GSDME: variants seen among roughly 807,000 people sequenced by gnomAD.
GSDME encodes the protein gasdermin-E.
A neutral mutation model predicts 47.5 loss-of-function variants in GSDME; 44 were observed. The observed-to-expected ratio is 0.93, with a 90% CI of 0.73 to 1.19. The LOEUF (loss-of-function observed/expected upper bound fraction) is 1.19, where lower values mean the gene tolerates loss of function less well. Ranked by LOEUF, GSDME falls within the 50% of genes most tolerant of loss-of-function variation. The pLI is 0.00. For synonymous variants in GSDME, 258 were observed against 252.8 expected, an observed-to-expected ratio of 1.02 and a Z score of -0.20; for missense variants, 663 against 604.2, an observed-to-expected ratio of 1.10 and a Z score of -1.02.
intron 3 of GSDME, among the ~76,000 whole-genome samples, chr7:24,731,505 C>T (rs1222229456): frequency 1.3e-5 from 2 of 152,220 alleles, no homozygotes; most frequent in Non-Finnish European, 2.9e-5. Flanking sequence ...CACGTGGAAA[C>T]GCCAAGGACT....
rs1421113653 is a variant in GSDME at position 24,712,651 on chromosome 7, G to A, written c.698-2263C>T. On this transcript the variant is annotated intron_variant, in intron 5 of 9. Transcript: ENST00000645220. This position sits in a 1 kb window ranked among gnomAD's most constrained non-coding sequence, Gnocchi z 4.4. ...GGGCTGAGGCCAGAGTGACCAGCGGGTGGAGGGGAGGAAAAACATCTTTCC... is the reference window on the plus strand; with the variant it reads ...GGGCTGAGGCCAGAGTGACCAGCGGATGGAGGGGAGGAAAAACATCTTTCC... 6.6e-6 allele frequency among the ~76,000 whole-genome samples: 1 copy of A among 152,230 alleles called. No homozygotes were observed. Among genetic ancestry groups the A allele is most frequent in the Non-Finnish European group, 1.5e-5 (1 of 68,042 alleles).
In GSDME at chr7:24,708,271, C is replaced by T. The variant is rs1419348222; in HGVS notation, c.863-17G>A. 1.2e-6 allele frequency: 2 copies of T among 1,613,856 alleles called. No homozygotes were observed. Among genetic ancestry groups the T allele is most frequent in the African/African-American group, 2.7e-5 (2 of 75,050 alleles). On this transcript the variant is annotated splice_polypyrimidine_tract_variant and intron_variant, in intron 6 of 9. Coordinates refer to ENST00000645220, the MANE Select transcript of GSDME (RefSeq NM_001127453.2). ...GCAGGGTCGCTGTGAAAACAAAGCA[C>T]ACCCAAGTCTCATGACTGCGATGCA... is the stretch of plus-strand genomic sequence containing the variant.
At chr7:24,718,998 T>C in intron 4 of GSDME, 49 bp downstream of exon 4, 2 of 1,605,988 alleles carry the variant, frequency 1.2e-6, no homozygotes, top group South Asian at 2.2e-5. Context: ...CCAACCAAGG[T>C]CTCCAGGACT....
rs984041616 is a variant in GSDME at position 24,744,462 on chromosome 7, G to A, written c.404+100C>T. ...CGCATTCAATACATGTTTATTGATC[G>A]GCAGAGATCAAATCTGTCGCCCTTT... is the stretch of plus-strand genomic sequence containing the variant. On this transcript the variant is annotated intron_variant, in intron 3 of 9. Transcript: ENST00000645220. The surrounding 1 kb of genome is among the most constrained non-coding windows in gnomAD (Gnocchi z 4.5). The A allele has an allele frequency of 7.2e-6, 9 of 1,257,440 alleles. No individual in the cohort carries two copies. Among genetic ancestry groups the A allele is most frequent in the African/African-American group, 2.9e-5 (2 of 67,932 alleles). 77.9% of individuals were successfully genotyped at this position (1,257,440 alleles called of 1,614,324 possible).
In GSDME at chr7:24,733,621, A is replaced by T. The variant is rs1790212494; in HGVS notation, c.404+10941T>A. 6.6e-6 allele frequency among the ~76,000 whole-genome samples: 1 copy of T among 152,130 alleles called. No individual in the cohort carries two copies. The highest frequency in any genetic ancestry group is 1.5e-5 in the Non-Finnish European group (1 of 68,002). ...ACTAAAGAGCCCCTGGCCTTAAGTGAATATGGGTGGTGGCCTGGCAGTGCT... is the reference window on the plus strand; with the variant it reads ...ACTAAAGAGCCCCTGGCCTTAAGTGTATATGGGTGGTGGCCTGGCAGTGCT... On this transcript the variant is annotated intron_variant, in intron 3 of 9. Coordinates refer to ENST00000645220, the MANE Select transcript of GSDME (RefSeq NM_001127453.2). The surrounding 1 kb of genome is among the most constrained non-coding windows in gnomAD (Gnocchi z 4.3).
the GSDME span, among the ~76,000 whole-genome samples, chr7:24,793,216 A>G: frequency 6.6e-6 from 1 of 152,206 alleles, no homozygotes; most frequent in South Asian, 2.1e-4. Flanking sequence ...ATGTCTGACC[A>G]TAAGGTAAGA....
chr7:24,775,544 C>T, the GSDME span, among the ~76,000 whole-genome samples: 2 of 152,170 alleles, frequency 1.3e-5, no homozygotes, highest in Non-Finnish European at 2.9e-5. Context: ...TCCTCCTTCC[C>T]TACCTGCCTG....
chr7:24,732,404 G>A lies in GSDME; in HGVS notation c.404+12158C>T, dbSNP rs1034128601. Among the ~76,000 whole-genome samples the A allele has an allele frequency of 1.3e-5, 2 of 152,288 alleles. No individual in the cohort carries two copies. Among genetic ancestry groups the A allele is most frequent in the Middle Eastern group, 3.4e-3 (1 of 294 alleles). ...GGGTGAATGGAAGCCTCCCGTGATT[G>A]TTCTCCCCACAGGAACACCAAAGTC... On this transcript the variant is annotated intron_variant, in intron 3 of 9. Coordinates refer to ENST00000645220, the MANE Select transcript of GSDME (RefSeq NM_001127453.2). The surrounding 1 kb of genome is among the most constrained non-coding windows in gnomAD (Gnocchi z 4.8).
chr7:24,729,611 G>A (rs1168754647), intron 3 of GSDME, among the ~76,000 whole-genome samples: 1 of 152,242 alleles, frequency 6.6e-6, no homozygotes, highest in East Asian at 1.9e-4. Context: ...GTCTGTGTGT[G>A]TCCTTCATGC....
Position 24,738,906 on chromosome 7 carries a change from G to A in GSDME, c.404+5656C>T, listed in dbSNP as rs145212557. Among the ~76,000 whole-genome samples, 328 of 152,286 alleles carry A rather than the reference G, an allele frequency of 2.2e-3. 1 individual carries two copies. Among genetic ancestry groups the A allele is most frequent in the African/African-American group, 7.6e-3 (314 of 41,548 alleles). ...GAAAGGATAGCCTCTTCAATAAATG[G>A]TGCTGAGAAAACTGTATATCCCTAT... On this transcript the variant is annotated intron_variant, in intron 3 of 9. Transcript: ENST00000645220.
chr7:24,766,398 C>T, the GSDME span, among the ~76,000 whole-genome samples: 1 of 152,012 alleles, frequency 6.6e-6, no homozygotes, highest in African/African-American at 2.4e-5. The surrounding 1 kb of genome is among the most constrained non-coding windows in gnomAD (Gnocchi z 4.2). Context: ...TGGTGTGCTG[C>T]ACCCATCAAC....
At chr7:24,765,170 A>T in the GSDME span, among the ~76,000 whole-genome samples, 1 of 152,230 alleles carries the variant, frequency 6.6e-6, no homozygotes, top group African/African-American at 2.4e-5. Context: ...AGGAATGATT[A>T]GCCTTACATT....
At chr7:24,715,305 G>A (rs555563206) in intron 5 of GSDME, among the ~76,000 whole-genome samples, 1 of 152,306 alleles carries the variant, frequency 6.6e-6, no homozygotes, top group Admixed American at 6.5e-5. Context: ...GTACTGCAGT[G>A]TTTACTTGAG....
At chr7:24,770,872 G>A in the GSDME span, among the ~76,000 whole-genome samples, 1 of 148,286 alleles carries the variant, frequency 6.7e-6, no homozygotes, top group Non-Finnish European at 1.5e-5. The surrounding 1 kb of genome is among the most constrained non-coding windows in gnomAD (Gnocchi z 4.6). Flanking sequence ...AAGAAAAAAG[G>A]CTGAAAAAAA....
At chr7:24,701,326 C>CAGAATA (rs1788859699) in intron 9 of GSDME, among the ~76,000 whole-genome samples, 1 of 152,198 alleles carries the variant, frequency 6.6e-6, no homozygotes, top group Non-Finnish European at 1.5e-5. Context: ...TGTGCAGAAG[C>CAGAATA]AGAATACCTT....
chr7:24,720,903 G>A (rs1183052877), intron 3 of GSDME, among the ~76,000 whole-genome samples: 3 of 134,696 alleles, frequency 2.2e-5, no homozygotes, highest in South Asian at 2.2e-4. Context: ...GCGAAACTCC[G>A]TCTCAAAAAA....
chr7:24,710,461 A>G (rs1476189692), intron 5 of GSDME, 73 bp from the exon 6 acceptor site: 86 of 1,480,364 alleles, frequency 5.8e-5, no homozygotes, highest in Non-Finnish European at 7.6e-5. Context: ...GGACAGGGTC[A>G]GCCCAGCCTT....
chr7:24,706,252 G>A lies in GSDME; in HGVS notation c.1115C>T (p.Pro372Leu), dbSNP rs201166708. 4.6e-5 allele frequency: 74 copies of A among 1,614,072 alleles called. No homozygotes were observed. Among genetic ancestry groups the A allele is most frequent in the African/African-American group, 6.7e-5 (5 of 74,922 alleles). Residue 372 changes from proline to leucine, a missense_variant, in exon 8 of 10, where the codon CCG becomes CTG. By Grantham distance (98) the Pro-to-Leu change is moderately conservative (BLOSUM62 -3). Transcript: ENST00000645220. ...CTTGCTGCCTGCATCCTCGGGGCCCGGACACCCACCCTGTAAGCTGCACCC... is the reference window on the plus strand; with the variant it reads ...CTTGCTGCCTGCATCCTCGGGGCCCAGACACCCACCCTGTAAGCTGCACCC... ...LVGCSLQGGC[P>L]GPEDAGSKQL...
At position 24,735,755 on chromosome 7, in the gene GSDME, T is replaced by C. The variant is rs980034410; in HGVS notation, c.404+8807A>G. 3.0e-5 allele frequency among the ~76,000 whole-genome samples: 4 copies of C among 134,130 alleles called. No homozygotes were observed. The highest frequency in any genetic ancestry group is 1.1e-4 in the African/African-American group (4 of 35,250). The allele number at this position is 134,130 out of a possible 152,430, so 88.0% of individuals were successfully genotyped here. A position where few individuals can be genotyped will look rare whatever the true frequency, so the allele number is the denominator to read the frequency against. ...CCTGGGTGACAACAGCAAAACTCTA[T>C]CTCAAAAATAAATAAATAAATAAAT... On this transcript the variant is annotated intron_variant, in intron 3 of 9. Transcript: ENST00000645220. The surrounding 1 kb of genome is among the most constrained non-coding windows in gnomAD (Gnocchi z 4.4).
Sources: gnomAD v4.1 joint callset for allele counts (sites outside exome capture counted in the v4.1 genomes callset) on GRCh38, gnomAD v4.1.1 for gene constraint, Gnocchi (gnomAD v3.1) non-coding constraint, MANE v1.5 for transcripts, NCBI Gene and HGNC (gene_info 2026-07-23, HGNC 2026-07-21) for gene names.